Variants in FANCC observed in about 807,000 individuals in gnomAD.
The protein encoded by FANCC is Fanconi anemia group C protein.
FANCC carries 55 observed loss-of-function variants against 71.3 expected under a neutral mutation model. The observed-to-expected ratio is 0.77, with a 90% confidence interval of 0.62 to 0.97. The LOEUF is 0.97. Among genes scored for constraint, FANCC ranks in the 50% least tolerant of loss-of-function variants. The probability of loss-of-function intolerance (pLI) is 0.00; values close to 1 mark genes in which losing one functional copy is unlikely to be tolerated. For missense variants in FANCC, 678 were observed against 670.9 expected (o/e 1.01, Z -0.12); for synonymous variants, 275 against 244.9 (o/e 1.12, Z -1.15).
intron 1 of FANCC, among the ~76,000 whole-genome samples, chr9:95,264,037 G>T (rs1832234256): frequency 6.6e-6 from 1 of 152,162 alleles, no homozygotes; most frequent in South Asian, 2.1e-4. Flanking sequence ...GAAACCTGAG[G>T]GGACTGGCCA....
chr9:95,151,522 C>T (rs905836288), intron 6 of FANCC, among the ~76,000 whole-genome samples: 74 of 152,276 alleles, frequency 4.9e-4, no homozygotes, highest in African/African-American at 1.8e-3. Context: ...TTTAACAATG[C>T]CACTATCAGT....
chr9:95,178,618 G>A (rs547080616), intron 4 of FANCC, among the ~76,000 whole-genome samples: 7 of 152,386 alleles, frequency 4.6e-5, no homozygotes, highest in African/African-American at 1.7e-4. Flanking sequence ...AGGAAGAGAC[G>A]CAGGATCCAG....
At chr9:95,292,638 AACATGC>A in intron 1 of FANCC, 2 of 1,407,292 alleles carry the variant, frequency 1.4e-6, no homozygotes, top group South Asian at 2.3e-5. Context: ...CCCCGCGCTC[AACATGC>A]ACCTGGTCAA....
At position 95,214,495 on chromosome 9, in the gene FANCC, T is replaced by C. The variant is rs867351704; in HGVS notation, c.345+26154A>G. On this transcript the variant is annotated intron_variant, in intron 4 of 14. Transcript: ENST00000289081. ...TTACCAGATGATCCAGCAATTCCAC[T>C]TCTGGGTTTATACTTAAAAGAACTG... Among the ~76,000 whole-genome samples, 8 of 152,252 alleles carry C rather than the reference T, an allele frequency of 5.3e-5. 1 individual carries two copies. The highest frequency in any genetic ancestry group is 1.0e-4 in the Non-Finnish European group (7 of 68,018).
rs200108811 is a variant in FANCC, at chr9:95,217,554, TA to T, written c.345+23094del. ...AAAAAGAAATCACAAGGAAAATTAG[TA>T]AATTTTTTTTAACTAAATTTAAATA... On this transcript the variant is annotated intron_variant, in intron 4 of 14. Transcript: ENST00000289081. Among the ~76,000 whole-genome samples the T allele has an allele frequency of 5.8e-3, 887 of 152,082 alleles. 8 individuals are homozygous for T. The highest frequency in any genetic ancestry group is 0.034 in the Middle Eastern group (10 of 292).
At chr9:95,215,574 T>G (rs992440034) in intron 4 of FANCC, among the ~76,000 whole-genome samples, 1 of 152,210 alleles carries the variant, frequency 6.6e-6, no homozygotes, top group Non-Finnish European at 1.5e-5. Flanking sequence ...TGGGGTAGTA[T>G]GACTGCTCCT....
chr9:95,187,326 C>G (rs1826791675), intron 4 of FANCC, among the ~76,000 whole-genome samples: 1 of 152,164 alleles, frequency 6.6e-6, no homozygotes, highest in Admixed American at 6.5e-5. Context: ...CTAACCTTCT[C>G]CCTTCTCCCT....
intron 14 of FANCC, among the ~76,000 whole-genome samples, chr9:95,105,326 C>A (rs2071360784): frequency 6.6e-6 from 1 of 152,162 alleles, no homozygotes; most frequent in African/African-American, 2.4e-5. Context: ...GCAGGAGGGG[C>A]CTCTGGGGAC....
At chr9:95,188,933 A>C (rs1826904856) in intron 4 of FANCC, among the ~76,000 whole-genome samples, 1 of 152,152 alleles carries the variant, frequency 6.6e-6, no homozygotes, top group South Asian at 2.1e-4. Flanking sequence ...ATAAGTTACA[A>C]ATGATATTTT....
At chr9:95,285,389 A>G (rs551024735) in intron 1 of FANCC, among the ~76,000 whole-genome samples, 162 of 152,338 alleles carry the variant, frequency 1.1e-3, no homozygotes, top group African/African-American at 3.8e-3. Context: ...TACTTTTTGT[A>G]TATCACAATA....
intron 4 of FANCC, among the ~76,000 whole-genome samples, chr9:95,209,416 T>A (rs1828354885): frequency 6.6e-6 from 1 of 152,210 alleles, no homozygotes; most frequent in African/African-American, 2.4e-5. Flanking sequence ...GTTCATCAGT[T>A]GTGACCAATG....
chr9:95,118,587 C>G (rs1318932985), intron 10 of FANCC, among the ~76,000 whole-genome samples: 1 of 152,216 alleles, frequency 6.6e-6, no homozygotes, highest in Non-Finnish European at 1.5e-5. Flanking sequence ...TCCACCCCAC[C>G]CTGGCAACCA....
At chr9:95,291,398 C>T (rs1216091023) in intron 1 of FANCC, among the ~76,000 whole-genome samples, 3 of 151,554 alleles carry the variant, frequency 2.0e-5, no homozygotes, top group South Asian at 4.2e-4. Context: ...AATCAACAAA[C>T]AAAAATCATT....
chr9:95,216,354 A>T (rs1263007630), intron 4 of FANCC, among the ~76,000 whole-genome samples: 3 of 152,226 alleles, frequency 2.0e-5, no homozygotes, highest in African/African-American at 7.2e-5. Context: ...ACAAAAAATG[A>T]CAGAATTGAA....
At chr9:95,212,194 C>T (rs777704782) in intron 4 of FANCC, among the ~76,000 whole-genome samples, 1 of 152,042 alleles carries the variant, frequency 6.6e-6, no homozygotes, top group African/African-American at 2.4e-5. Flanking sequence ...AGAATAAGCA[C>T]TTAAAGGAAT....
intron 1 of FANCC, among the ~76,000 whole-genome samples, chr9:95,256,586 C>T (rs888815784): frequency 6.6e-6 from 1 of 152,074 alleles, no homozygotes; most frequent in Admixed American, 6.5e-5. Flanking sequence ...CAAAAAAATA[C>T]CAAATTGTAA....
intron 14 of FANCC, among the ~76,000 whole-genome samples, chr9:95,106,230 C>T (rs1018901287): frequency 2.6e-5 from 4 of 152,192 alleles, no homozygotes; most frequent in Non-Finnish European, 5.9e-5. Flanking sequence ...TGAGCATCTC[C>T]CCACATGCCT....
intron 1 of FANCC, among the ~76,000 whole-genome samples, chr9:95,306,726 C>T (rs916593217): frequency 5.3e-5 from 8 of 152,170 alleles, no homozygotes; most frequent in African/African-American, 1.7e-4. Flanking sequence ...ACAATTAAGA[C>T]ACATTTAAAA....
chr9:95,202,216 G>C (rs1430346702), intron 4 of FANCC, among the ~76,000 whole-genome samples: 1 of 152,242 alleles, frequency 6.6e-6, no homozygotes, highest in African/African-American at 2.4e-5. Flanking sequence ...GGCTCCAGGG[G>C]TGCTGCTGGC....
Sources: gnomAD v4.1 joint callset for allele counts (sites outside exome capture counted in the v4.1 genomes callset) on GRCh38, gnomAD v4.1.1 for gene constraint, MANE v1.5 for transcripts, NCBI Gene and HGNC (gene_info 2026-07-23, HGNC 2026-07-21) for gene names.